POGLUT2: variants seen among roughly 807,000 people sequenced by gnomAD.
POGLUT2 encodes protein O-glucosyltransferase 2.
Under a neutral mutation model 57.6 loss-of-function variants are expected in POGLUT2, and 47 were observed. The ratio of observed to expected loss-of-function variants is 0.82; its 90% CI spans 0.65 to 1.04. The LOEUF (loss-of-function observed/expected upper bound fraction) is 1.04, where lower values mean the gene tolerates loss of function less well. Ranked by LOEUF, POGLUT2 falls within the 50% of genes least tolerant of loss-of-function variation. POGLUT2 has a pLI of 0.00. For synonymous variants in POGLUT2, 200 were observed against 218.8 expected (o/e 0.91, Z 0.76); for missense variants, 565 against 614.8 (o/e 0.92, Z 0.86).
intron 1 of POGLUT2, 39 bp downstream of exon 1, chr13:102,798,450 C>T: frequency 1.3e-6 from 2 of 1,497,138 alleles, no homozygotes; most frequent in Non-Finnish European, 1.8e-6. Flanking sequence ...CAGATTTAAC[C>T]GCCATCCAAA....
At chr13:102,790,789 G>T in intron 6 of POGLUT2, 112 bp downstream of exon 6, 1 of 744,582 alleles carries the variant, frequency 1.3e-6, no homozygotes, top group South Asian at 1.8e-5. Flanking sequence ...GCTCAATTTT[G>T]TGCTAACTTC....
intron 4 of POGLUT2, chr13:102,792,138 T>A: frequency 2.4e-6 from 3 of 1,224,996 alleles, no homozygotes; most frequent in East Asian, 6.0e-5. Flanking sequence ...TATAACTACC[T>A]ACATTCAGAA....
chr13:102,786,108 G>T, intron 9 of POGLUT2, 124 bp downstream of exon 9: 1 of 666,942 alleles, frequency 1.5e-6, no homozygotes, highest in Non-Finnish European at 2.7e-6. Context: ...AGACTGAATT[G>T]CTTGGAGACC....
Position 102,793,767 on chromosome 13 carries a change from T to C in POGLUT2, c.428A>G (p.Asp143Gly), listed in dbSNP as rs1195935668. ...CATCTCCCGTAGCCAGGCTGCACTA[T>C]CTTGCAGAGGACAGTCACAGTTCTC... is the stretch of plus-strand genomic sequence containing the variant. ...YHENCDCPLQ[D>G]SAAWLREMNC... Residue 143 changes from aspartate to glycine, a missense_variant, in exon 3 of 10, where the codon GAT becomes GGT. Transcript: ENST00000376004. 2 of 1,614,112 alleles carry C rather than the reference T, an allele frequency of 1.2e-6. No homozygotes were observed. Among genetic ancestry groups the C allele is most frequent in the Non-Finnish European group, 1.7e-6 (2 of 1,180,052 alleles).
At chr13:102,795,408 C>G (rs1878338461) in intron 2 of POGLUT2, among the ~76,000 whole-genome samples, 1 of 151,924 alleles carries the variant, frequency 6.6e-6, no homozygotes, top group Non-Finnish European at 1.5e-5. Context: ...ACAAAAAATA[C>G]AAAAATTAGT....
chr13:102,789,250 C>T, intron 6 of POGLUT2, 29 bp from the exon 7 acceptor site: 1 of 1,566,944 alleles, frequency 6.4e-7, no homozygotes, highest in South Asian at 1.1e-5. Flanking sequence ...GTCTAAGAAC[C>T]TCTATTAAAT....
chr13:102,793,790 C>G lies in POGLUT2; in HGVS notation c.405G>C (p.Glu135Asp). Residue 135 changes from glutamate (E) to aspartate (D), a missense_variant, in exon 3 of 10, where the codon GAG (glutamate) becomes GAC (aspartate). Physicochemically the swap from Glu to Asp is conservative, Grantham distance 45. Coordinates refer to ENST00000376004, the MANE Select transcript of POGLUT2 (RefSeq NM_024089.3). ...PYILKGPVYH[E>D]NCDCPLQDSA... is the part of the protein sequence containing the mutation. ...TATCTTGCAGAGGACAGTCACAGTTCTCATGGTAAACCGGCCCTATTTACA... is the reference window on the plus strand; with the variant it reads ...TATCTTGCAGAGGACAGTCACAGTTGTCATGGTAAACCGGCCCTATTTACA... 6.2e-7 allele frequency: 1 copy of G among 1,614,142 alleles called. No homozygotes were observed. The highest frequency in any genetic ancestry group is 8.5e-7 in the Non-Finnish European group (1 of 1,179,982).
chr13:102,786,316 A>G lies in POGLUT2; in HGVS notation c.1407T>C (p.Ser469=). The G allele has an allele frequency of 1.2e-6, 2 of 1,613,380 alleles. No individual in the cohort carries two copies. The highest frequency in any genetic ancestry group is 1.7e-6 in the Non-Finnish European group (2 of 1,179,298). Residue 469 remains serine, a synonymous_variant, in exon 9 of 10, where the codon AGT becomes AGC. Coordinates refer to ENST00000376004, the MANE Select transcript of POGLUT2 (RefSeq NM_024089.3). ...LFQEYANLQV[S]EPQIREGMKR... ...TCATGCCCTCTCGGATTTGGGGCTC[A>G]CTCACTTGTAAATTGGCATATTCCT...
In POGLUT2 at chr13:102,796,937, A is replaced by G. The variant is rs1185586547; in HGVS notation, c.255T>C (p.Val85=). Residue 85 remains valine, a synonymous_variant, in exon 2 of 10, where the codon GTT becomes GTC. Transcript: ENST00000376004. ...VSAPEEQFTR[V]GVQVLDRKDG... is the part of the protein sequence containing the mutation. Reference sequence around the variant, plus strand: ...CTTTTCGGTCTAAAACCTGGACTCCAACTCTAGTGAATTGCTCCTCTGGTG... The same window carrying G: ...CTTTTCGGTCTAAAACCTGGACTCCGACTCTAGTGAATTGCTCCTCTGGTG... The G allele has an allele frequency of 6.2e-7, 1 of 1,613,744 alleles. No homozygotes were observed. The highest frequency in any genetic ancestry group is 2.2e-5 in the East Asian group (1 of 44,876).
In POGLUT2 at chr13:102,784,521, A is replaced by G; in HGVS notation, c.1492-9T>C. On this transcript the variant is annotated splice_polypyrimidine_tract_variant and intron_variant, in intron 9 of 9. Coordinates refer to ENST00000376004, the MANE Select transcript of POGLUT2 (RefSeq NM_024089.3). Reference sequence around the variant, plus strand: ...CAGAGTTCATCTTTGGTCTGCAATTAAGAAGCAAAATATTTAGAGCTATCA... The same window carrying G: ...CAGAGTTCATCTTTGGTCTGCAATTGAGAAGCAAAATATTTAGAGCTATCA... The G allele has an allele frequency of 1.3e-6, 2 of 1,504,938 alleles. No individual in the cohort carries two copies. The highest frequency in any genetic ancestry group is 1.8e-6 in the Non-Finnish European group (2 of 1,087,604). The allele number at this position is 1,504,938 out of a possible 1,614,324, so 93.2% of individuals were successfully genotyped here.
At chr13:102,793,500 T>C in intron 3 of POGLUT2, 82 bp from the exon 4 acceptor site, 1 of 1,319,096 alleles carries the variant, frequency 7.6e-7, no homozygotes, top group Admixed American at 1.7e-5. Flanking sequence ...ACAGTGCTCA[T>C]TCGAATGATG....
intron 2 of POGLUT2, among the ~76,000 whole-genome samples, chr13:102,794,308 C>A (rs553285558): frequency 2.6e-5 from 4 of 152,224 alleles, no homozygotes; most frequent in Non-Finnish European, 5.9e-5. Context: ...GACAGCTCTT[C>A]ACAGTGAAGT....
At chr13:102,787,744 C>CAT in intron 8 of POGLUT2, 90 bp downstream of exon 8, 2 of 621,896 alleles carry the variant, frequency 3.2e-6, no homozygotes, top group South Asian at 5.8e-5. Context: ...CCTATAGTAA[C>CAT]ATATGTTTAG....
At chr13:102,786,363 C>T (rs369013129) in intron 8 of POGLUT2, 24 bp from the exon 9 acceptor site, 25 of 1,459,762 alleles carry the variant, frequency 1.7e-5, no homozygotes, top group East Asian at 9.0e-5. Context: ...AATATAAAAG[C>T]ATTCCTTATA....
At chr13:102,790,655 GA>G (rs1878129004) in intron 6 of POGLUT2, among the ~76,000 whole-genome samples, 1 of 152,196 alleles carries the variant, frequency 6.6e-6, no homozygotes, top group Admixed American at 6.5e-5. Flanking sequence ...GGGTTAGCTG[GA>G]AAAAAATTAT....
At position 102,798,720 on chromosome 13, in the gene POGLUT2, G is replaced by C. The variant is rs1186864676; in HGVS notation, c.-50C>G. 1.3e-6 allele frequency: 2 copies of C among 1,495,040 alleles called. No individual in the cohort carries two copies. The highest frequency in any genetic ancestry group is 1.8e-6 in the Non-Finnish European group (2 of 1,116,614). 92.6% of individuals were successfully genotyped at this position (1,495,040 alleles called of 1,614,324 possible). A position where few individuals can be genotyped will look rare whatever the true frequency, so the allele number is the denominator to read the frequency against. On this transcript the variant is annotated 5_prime_UTR_variant, in exon 1 of 10. Coordinates refer to ENST00000376004, the MANE Select transcript of POGLUT2 (RefSeq NM_024089.3). ...TCCACCGATAAATGAAGAAGTGTAA[G>C]AGGTGGACAGAAGCAGCCGAGCCTT...
chr13:102,792,556 A>C (rs1424109953), intron 4 of POGLUT2, among the ~76,000 whole-genome samples: 2 of 152,196 alleles, frequency 1.3e-5, no homozygotes, highest in Non-Finnish European at 2.9e-5. Context: ...TGCAGATATT[A>C]GTTAGCATGA....
intron 2 of POGLUT2, 115 bp downstream of exon 2, chr13:102,796,683 TAAAAAA>T (rs199885678): frequency 4.8e-4 from 85 of 176,074 alleles, no homozygotes; most frequent in South Asian, 6.9e-4. Context: ...CTTCTTTCAG[TAAAAAA>T]AAAAAAAAAA....
Position 102,786,303 on chromosome 13 carries a change from G to A in POGLUT2, c.1420C>T (p.Arg474Ter), listed in dbSNP as rs755276952. The A allele has an allele frequency of 3.7e-6, 6 of 1,613,584 alleles. No individual in the cohort carries two copies. Among genetic ancestry groups the A allele is most frequent in the East Asian group, 2.2e-5 (1 of 44,884 alleles). The change falls in exon 9 of 10, where the codon CGA becomes TGA. Residue 474 changes from arginine to a stop codon, truncating the protein, a stop_gained. Coordinates refer to ENST00000376004, the MANE Select transcript of POGLUT2 (RefSeq NM_024089.3). LOFTEE classifies it high-confidence loss of function. ...ANLQVSEPQIREGMKRVEPQT... is the reference protein window; with the variant it reads ...ANLQVSEPQI ...GGTTCTACCCTTTTCATGCCCTCTC[G>A]GATTTGGGGCTCACTCACTTGTAAA...
Sources: gnomAD v4.1 joint callset for allele counts (sites outside exome capture counted in the v4.1 genomes callset) on GRCh38, gnomAD v4.1.1 for gene constraint, MANE v1.5 for transcripts, NCBI Gene and HGNC (gene_info 2026-07-23, HGNC 2026-07-21) for gene names.